The following ATAD3B variants were observed in gnomAD, a reference collection of about 807,000 sequenced individuals.
ATAD3B encodes the protein ATPase family AAA domain-containing protein 3B.
In ATAD3B, 59 loss-of-function variants were observed where a neutral mutation model predicts 70.2. The ratio of observed to expected loss-of-function variants is 0.84; its 90% confidence interval spans 0.68 to 1.04. The LOEUF is 1.04. ATAD3B is among the 50% of genes least tolerant of loss of function. The pLI is 0.00. For synonymous variants in ATAD3B, 423 were observed against 388.6 expected (o/e 1.09, Z -1.04); for missense variants, 961 against 913.4 (o/e 1.05, Z -0.67).
At position 1,485,140 on chromosome 1, in the gene ATAD3B, C is replaced by G. The variant is rs147823512; in HGVS notation, c.875C>G (p.Thr292Arg). 12 of 1,610,504 alleles carry G rather than the reference C, an allele frequency of 7.5e-6. 1 individual carries two copies. In the South Asian group the frequency reaches 1.3e-4, roughly 18 times the overall value. ...CTAGTGAGGGAGACGTCCCGCATCACGGTGCTGGAGGCGCTGCGGCACCCC... is the reference window on the plus strand; with the variant it reads ...CTAGTGAGGGAGACGTCCCGCATCAGGGTGCTGGAGGCGCTGCGGCACCCC... ...PSLVRETSRITVLEALRHPIQ... is the reference protein window; with the variant it reads ...PSLVRETSRIRVLEALRHPIQ... The change falls in exon 8 of 16, where the codon ACG (threonine) becomes AGG (arginine). Residue 292 changes from threonine to arginine, a missense_variant. By Grantham distance (71) the Thr-to-Arg change is moderately conservative. This residue lies in a region of ATAD3B where 349 missense variants were observed against 307.5 expected (regional missense o/e 1.14). Transcript: ENST00000673477.
chr1:1,478,435 G>C, intron 2 of ATAD3B: 1 of 1,525,838 alleles, frequency 6.6e-7, no homozygotes, highest in South Asian at 1.2e-5. Flanking sequence ...GCCTTCGCAG[G>C]CTTCTCTGCT....
At chr1:1,499,223 G>A (rs541012017), downstream of ATAD3B, among the ~76,000 whole-genome samples, 6 of 149,346 alleles carry the variant, frequency 4.0e-5, no homozygotes, top group Admixed American at 1.3e-4. Context: ...CGCCCGCCTC[G>A]ACCTCCCAAA....
In ATAD3B at chr1:1,490,708, C is replaced by T. The variant is rs572997807; in HGVS notation, c.1614+37C>T. 2.2e-5 allele frequency: 34 copies of T among 1,546,904 alleles called. 1 individual carries two copies. The African/African-American group carries it at 3.0e-4, about 14-fold the overall frequency. The stretch of plus-strand genomic sequence containing the variant: ...TCCGGCACGTCCACCCAGACGGGAC[C>T]CCAGCTGCTGTGGAGATGCTCAGTT... On this transcript the variant is annotated intron_variant, in intron 15 of 15. Coordinates refer to ENST00000673477, the MANE Select transcript of ATAD3B (RefSeq NM_031921.6).
rs1400908616 is a variant in ATAD3B at position 1,478,675 on chromosome 1, G to A, written c.314G>A (p.Ser105Asn). 11 of 1,545,254 alleles carry A rather than the reference G, an allele frequency of 7.1e-6. 1 individual carries two copies. Among genetic ancestry groups the A allele is most frequent in the Admixed American group, 4.0e-5 (2 of 50,428 alleles). The change falls in exon 3 of 16, where the codon AGC (serine) becomes AAC (asparagine). Residue 105 changes from serine (S) to asparagine (N), a missense_variant. By Grantham distance (46) the Ser-to-Asn change is conservative. This residue lies in a region of ATAD3B where 187 missense variants were observed against 244.3 expected (regional missense o/e 0.77). Transcript: ENST00000673477. The part of the protein sequence containing the change: ...EYEAAVEQLK[S>N]EQIRAQAEER... ...GAGGCCGCCGTGGAGCAGCTCAAGAGCGAGCAGATCCGGGCGCAGGCTGAG... is the reference window on the plus strand; with the variant it reads ...GAGGCCGCCGTGGAGCAGCTCAAGAACGAGCAGATCCGGGCGCAGGCTGAG...
At chr1:1,482,830 C>A in intron 7 of ATAD3B, 2 of 677,520 alleles carry the variant, frequency 3.0e-6, no homozygotes, top group Non-Finnish European at 5.1e-6. Context: ...ACGGTGAGAC[C>A]CCATCTCTAC....
At chr1:1,478,388 G>C in intron 2 of ATAD3B, 6 of 1,473,842 alleles carry the variant, frequency 4.1e-6, no homozygotes, top group Non-Finnish European at 4.5e-6. Flanking sequence ...AAACAGCCTT[G>C]TGGGGTGGGG....
At chr1:1,484,725 TC>T (rs1640107407) in intron 7 of ATAD3B, 1 of 628,770 alleles carries the variant, frequency 1.6e-6, no homozygotes, top group African/African-American at 1.8e-5. Flanking sequence ...CCCTGTGACA[TC>T]CAGCTGGGTC....
rs1182061580 is a variant in ATAD3B at position 1,484,438 on chromosome 1, C to T, written c.751-578C>T. 2.0e-5 allele frequency: 3 copies of T among 152,420 alleles called. 1 individual carries two copies. Among genetic ancestry groups the T allele is most frequent in the Non-Finnish European group, 4.4e-5 (3 of 68,292 alleles). The allele number at this position is 152,420 out of a possible 1,614,324, so 9.4% of individuals were successfully genotyped here. ...CCTCGTGATCCGCCCGCGTGGGCCT[C>T]CCAAAGTGCTGGGATTACGGGCGTG... On this transcript the variant is annotated intron_variant, in intron 7 of 15. Transcript: ENST00000673477.
chr1:1,493,504 A>G (rs996964799), intron 15 of ATAD3B, among the ~76,000 whole-genome samples: 1 of 151,662 alleles, frequency 6.6e-6, no homozygotes, highest in Non-Finnish European at 1.5e-5. Flanking sequence ...TGCAGTAGAG[A>G]CAGGGTTTCA....
At chr1:1,508,039 T>A in the ATAD3B span, among the ~76,000 whole-genome samples, 303 of 152,288 alleles carry the variant, frequency 2.0e-3, no homozygotes, top group African/African-American at 6.9e-3. Context: ...GGTGGCCCCG[T>A]GAGCATCTGC....
At chr1:1,484,837 C>T in intron 7 of ATAD3B, 179 bp from the exon 8 acceptor site, 1 of 1,397,274 alleles carries the variant, frequency 7.2e-7, no homozygotes, top group South Asian at 1.5e-5. Context: ...CCCCACCTGC[C>T]TCCTGTAACC....
At chr1:1,500,417 T>C (rs573550368), downstream of ATAD3B, among the ~76,000 whole-genome samples, 697 of 147,008 alleles carry the variant, frequency 4.7e-3, 5 homozygotes, top group African/African-American at 0.016. Flanking sequence ...CCGGGCGTGG[T>C]GGCGGGCACC....
At position 1,482,547 on chromosome 1, in the gene ATAD3B, C is replaced by T. The variant is rs141143061; in HGVS notation, c.683C>T (p.Thr228Met). The change falls in exon 7 of 16, where the codon ACG becomes ATG. Residue 228 changes from threonine to methionine, a missense_variant and splice_region_variant. By Grantham distance (81) the Thr-to-Met change is moderately conservative. Coordinates refer to ENST00000673477, the MANE Select transcript of ATAD3B (RefSeq NM_031921.6). Reference protein sequence around the residue: ...HRQTVLESIRTAGTLFGEGFR... With the variant: ...HRQTVLESIRMAGTLFGEGFR... ...TCACACCACTGCTTTCCCCGCAGGA[C>T]GGCTGGCACCTTGTTTGGGGAAGGA... 2,525 of 1,613,368 alleles carry T rather than the reference C, an allele frequency of 1.6e-3. 33 individuals carry two copies. Among genetic ancestry groups the T allele is most frequent in the African/African-American group, 4.7e-3 (349 of 74,976 alleles).
chr1:1,509,282 G>C, the ATAD3B span: 1 of 1,612,928 alleles, frequency 6.2e-7, no homozygotes. Context: ...CTGTCCAGCA[G>C]CACCAGCAGA....
rs548498545 is a variant in ATAD3B, at chr1:1,485,633, C to G, written c.907-149C>G. ...TCCCAGCAATAGCCTCCTGGTCTCC[C>G]GGCGGGGCAGGGTTCCAGCTCCGGG... On this transcript the variant is annotated intron_variant, in intron 8 of 15. Coordinates refer to ENST00000673477, the MANE Select transcript of ATAD3B (RefSeq NM_031921.6). The G allele has an allele frequency of 3.3e-4, 430 of 1,317,668 alleles. 5 individuals carry two copies. Among genetic ancestry groups the G allele is most frequent in the African/African-American group, 1.8e-3 (120 of 67,864 alleles). The allele number at this position is 1,317,668 out of a possible 1,614,324, so 81.6% of individuals were successfully genotyped here.
intron 8 of ATAD3B, 101 bp from the exon 9 acceptor site, chr1:1,485,681 G>A (rs1313039259): frequency 6.5e-7 from 1 of 1,538,894 alleles, no homozygotes; most frequent in Non-Finnish European, 8.8e-7. Context: ...GTGCTTTGGG[G>A]CAGCTCCGTT....
chr1:1,479,323 C>G (rs1387829908), intron 4 of ATAD3B, among the ~76,000 whole-genome samples: 1 of 147,784 alleles, frequency 6.8e-6, no homozygotes, highest in Non-Finnish European at 1.5e-5. Flanking sequence ...GACACAGGCA[C>G]CTGCCCACAC....
At chr1:1,487,378 C>G (rs1483699364) in intron 11 of ATAD3B, among the ~76,000 whole-genome samples, 1 of 151,662 alleles carries the variant, frequency 6.6e-6, no homozygotes, top group East Asian at 1.9e-4. Context: ...GTCCCAGCTA[C>G]TCAGGAGGCT....
chr1:1,481,782 C>T lies in ATAD3B; in HGVS notation c.515-356C>T, dbSNP rs1390427760. Among the ~76,000 whole-genome samples, 9 of 151,954 alleles carry T rather than the reference C, an allele frequency of 5.9e-5. No homozygotes were observed. In the East Asian group the frequency reaches 1.7e-3, roughly 30 times the overall value. On this transcript the variant is annotated intron_variant, in intron 5 of 15. Transcript: ENST00000673477. ...TCTGGGTCGGATTTCTGCCCTAATC[C>T]ATGGGCAGGGCCGGCCTGTGGCGCT...
Sources: gnomAD v4.1 joint callset for allele counts (sites outside exome capture counted in the v4.1 genomes callset) on GRCh38, gnomAD v4.1.1 for gene constraint, gnomAD v4.1.1 regional missense constraint, MANE v1.5 for transcripts, NCBI Gene and HGNC (gene_info 2026-07-23, HGNC 2026-07-21) for gene names.